Variants in DMD observed in about 807,000 individuals in gnomAD.
DMD encodes mutant dystrophin.
A neutral mutation model predicts 330.1 loss-of-function variants in DMD; 63 were observed. The observed-to-expected ratio is 0.19, with a 90% CI of 0.16 to 0.24. The LOEUF is 0.24. Ranked by LOEUF, DMD falls within the 10% of genes least tolerant of loss-of-function variation. The probability of loss-of-function intolerance (pLI) is 1.00; values close to 1 mark genes in which losing one functional copy is unlikely to be tolerated. For missense variants in DMD, 3,344 were observed against 2,684.1 expected (o/e 1.25, Z -5.43); for synonymous variants, 1,223 against 959.8 (o/e 1.27, Z -5.07).
intron 54 of DMD, among the ~76,000 whole-genome samples, chrX:31,648,788 C>T (rs912366622): frequency 9.3e-6 from 1 of 107,450 alleles, no homozygotes; most frequent in African/African-American, 3.4e-5. Flanking sequence ...TATAAGAAAT[C>T]ATTTGAATTA....
At position 32,045,051 on chromosome X, in the gene DMD, C is replaced by T. The variant is rs184614429; in HGVS notation, c.6439-76537G>A. 2.0e-3 allele frequency among the ~76,000 whole-genome samples: 222 copies of T among 110,109 alleles called. 2 individuals carry two copies. Among genetic ancestry groups the T allele is most frequent in the African/African-American group, 3.4e-3 (101 of 30,126 alleles). On this transcript the variant is annotated intron_variant, in intron 44 of 78. Coordinates refer to ENST00000357033, the MANE Select transcript of DMD (RefSeq NM_004006.3). ...ATCCCTCATGGTTTTGTATTGTCCT[C>T]AGTGTAGTGAGTGAGTTTTCATGAG...
At position 31,712,618 on chromosome X, in the gene DMD, CAT is replaced by C. The variant is rs2084729451; in HGVS notation, c.7660+17011_7660+17012del. 2.7e-5 allele frequency among the ~76,000 whole-genome samples: 3 copies of C among 110,628 alleles called. No homozygotes were observed. In the East Asian group the frequency reaches 8.4e-4, roughly 31 times the overall value. On this transcript the variant is annotated intron_variant, in intron 52 of 78. Transcript: ENST00000357033. ...TTTGGTTCCACTAAAAAACTGACTA[CAT>C]TACCTTCATGTGTATCCTGATATGA...
intron 50 of DMD, among the ~76,000 whole-genome samples, chrX:31,811,953 T>C (rs12837993): frequency 4.2e-4 from 47 of 111,045 alleles, no homozygotes; most frequent in Non-Finnish European, 7.2e-4. Flanking sequence ...CCATCCTCTT[T>C]TTCCTTTGCT....
At chrX:33,115,642 G>T (rs1000999409) in intron 1 of DMD, among the ~76,000 whole-genome samples, 1 of 107,947 alleles carries the variant, frequency 9.3e-6, no homozygotes, top group Non-Finnish European at 1.9e-5. Flanking sequence ...CTCCTGAGTA[G>T]CTGGGACTAC....
chrX:32,006,967 A>G (rs1313445256), intron 44 of DMD, among the ~76,000 whole-genome samples: 3 of 104,861 alleles, frequency 2.9e-5, no homozygotes, highest in African/African-American at 1.0e-4. Context: ...CTATCGCAAG[A>G]ACAAAAAACC....
intron 77 of DMD, among the ~76,000 whole-genome samples, chrX:31,133,184 C>T (rs1254811495): frequency 8.9e-6 from 1 of 111,985 alleles, no homozygotes; most frequent in Non-Finnish European, 1.9e-5. Context: ...TCCTGCTGCC[C>T]GTCCCTCCCA....
chrX:31,853,440 A>G (rs1051149157), intron 48 of DMD, among the ~76,000 whole-genome samples: 2 of 112,323 alleles, frequency 1.8e-5, no homozygotes, highest in African/African-American at 6.5e-5. Flanking sequence ...GTTGTTGGAA[A>G]TAATCAGTCT....
chrX:33,266,375 C>T (rs1490431305), intron 1 of DMD, among the ~76,000 whole-genome samples: 1 of 111,662 alleles, frequency 9.0e-6, no homozygotes, highest in Admixed American at 9.6e-5. Context: ...TTGAATTATT[C>T]AACCCCATTA....
chrX:31,382,427 TGTTTACACTGCTG>T (rs1334762202), intron 60 of DMD, among the ~76,000 whole-genome samples: 1 of 111,424 alleles, frequency 9.0e-6, no homozygotes, highest in Non-Finnish European at 1.9e-5. Flanking sequence ...GCCCTGCTCT[TGTTTACACTGCTG>T]GTTTACACTG....
chrX:32,783,272 T>C, intron 7 of DMD, among the ~76,000 whole-genome samples: 1 of 94,033 alleles, frequency 1.1e-5, no homozygotes, highest in East Asian at 3.1e-4. Context: ...ACATATATGG[T>C]ATATATACAC....
chrX:32,196,855 C>A (rs965233442), intron 44 of DMD, among the ~76,000 whole-genome samples: 3 of 108,473 alleles, frequency 2.8e-5, no homozygotes, highest in Non-Finnish European at 5.7e-5. Context: ...GCGTGGTAGC[C>A]AGCGCCTGTA....
rs1176596333 is a variant in DMD, at chrX:31,507,424, T to G, written c.8247A>C (p.Thr2749=). The part of the protein sequence containing the change: ...QDLQGEIEAH[T]DVYHNLDENS... The stretch of plus-strand genomic sequence containing the variant: ...TTTCATCCAGGTTGTGATAAACATC[T>G]GTGTGAGCTTCAATTTCACCTTGGA... Residue 2749 remains threonine, a synonymous_variant, in exon 56 of 79, where the codon ACA becomes ACC. Coordinates refer to ENST00000357033, the MANE Select transcript of DMD (RefSeq NM_004006.3). The G allele has an allele frequency of 5.8e-6, 7 of 1,209,122 alleles. No homozygotes were observed. Among genetic ancestry groups the G allele is most frequent in the Non-Finnish European group, 7.8e-6 (7 of 893,735 alleles).
chrX:31,326,924 G>A (rs1364614055), intron 61 of DMD, among the ~76,000 whole-genome samples: 4 of 112,083 alleles, frequency 3.6e-5, no homozygotes, highest in African/African-American at 1.3e-4. Flanking sequence ...GTGTACCAGT[G>A]GAAGCTTGTC....
intron 1 of DMD, among the ~76,000 whole-genome samples, chrX:33,223,313 TCAAA>T (rs765115414): frequency 4.5e-5 from 5 of 111,266 alleles, no homozygotes; most frequent in Admixed American, 9.6e-5. Flanking sequence ...AGACTCCATC[TCAAA>T]CAAACAAACA....
At chrX:33,161,530 A>G (rs1028392400) in intron 1 of DMD, among the ~76,000 whole-genome samples, 2 of 111,743 alleles carry the variant, frequency 1.8e-5, no homozygotes, top group Admixed American at 1.9e-4. Flanking sequence ...GTTAAACAAC[A>G]CAACCAAATT....
intron 11 of DMD, among the ~76,000 whole-genome samples, chrX:32,617,738 C>T (rs756539661): frequency 6.3e-5 from 7 of 110,292 alleles, no homozygotes; most frequent in African/African-American, 2.0e-4. Flanking sequence ...AAAATTTCTG[C>T]ACAGCAAAAA....
intron 64 of DMD, among the ~76,000 whole-genome samples, chrX:31,212,016 A>G (rs979951788): frequency 9.0e-6 from 1 of 110,890 alleles, no homozygotes; most frequent in African/African-American, 3.3e-5. Context: ...ATCTTAGAGA[A>G]CACACCTAGA....
At chrX:32,939,200 G>GTATA (rs35501288) in intron 2 of DMD, among the ~76,000 whole-genome samples, 49 of 102,907 alleles carry the variant, frequency 4.8e-4, no homozygotes, top group South Asian at 8.7e-4. Flanking sequence ...ATATATATGT[G>GTATA]TATATATATA....
At chrX:32,507,873 G>A (rs748855205) in intron 18 of DMD, among the ~76,000 whole-genome samples, 132 of 110,903 alleles carry the variant, frequency 1.2e-3, no homozygotes, top group Non-Finnish European at 3.0e-4. Context: ...TATATCAAAG[G>A]TCATCATATT....
Sources: gnomAD v4.1 joint callset for allele counts (sites outside exome capture counted in the v4.1 genomes callset) on GRCh38, gnomAD v4.1.1 for gene constraint, MANE v1.5 for transcripts, NCBI Gene and HGNC (gene_info 2026-07-23, HGNC 2026-07-21) for gene names.